ADAMTSL1: variants seen among roughly 807,000 people sequenced by gnomAD.
ADAMTSL1 encodes the protein ADAMTS-like protein 1.
ADAMTSL1 carries 126 observed loss-of-function variants against 201.8 expected under a neutral mutation model. The observed-to-expected ratio is 0.62, with a 90% CI of 0.54 to 0.72. ADAMTSL1 has a LOEUF of 0.72. Ranked by LOEUF, ADAMTSL1 falls within the 30% of genes least tolerant of loss-of-function variation. ADAMTSL1 has a pLI of 0.00. For synonymous variants in ADAMTSL1, 1,121 were observed against 903.4 expected (o/e 1.24, Z -4.32); for missense variants, 2,679 against 2,277.8 (o/e 1.18, Z -3.59).
Position 17,918,650 on chromosome 9 carries a change from A to G in ADAMTSL1, c.87+11728A>G, listed in dbSNP as rs148070363. Among the ~76,000 whole-genome samples the G allele has an allele frequency of 4.4e-4, 67 of 151,554 alleles. No homozygotes were observed. In the East Asian group the frequency reaches 0.011, roughly 25 times the overall value. ...TTTTTTTTTCCCGATCAGTTTTGCT[A>G]TTGTTTGATAGAATGTTCTTTAAAT... On this transcript the variant is annotated intron_variant, in intron 1 of 29. Coordinates refer to the ADAMTSL1 transcript ENST00000680146.
At chr9:18,627,274 A>C (rs955589992) in intron 5 of ADAMTSL1, among the ~76,000 whole-genome samples, 6 of 152,130 alleles carry the variant, frequency 3.9e-5, no homozygotes, top group Admixed American at 3.9e-4. Flanking sequence ...GAGCCACGGC[A>C]CCTGGCCACC....
chr9:18,146,365 G>A (rs1826641419), intron 1 of ADAMTSL1, among the ~76,000 whole-genome samples: 1 of 152,130 alleles, frequency 6.6e-6, no homozygotes. Context: ...TTCAATAGGT[G>A]AATGAAATAC....
intron 9 of ADAMTSL1, among the ~76,000 whole-genome samples, chr9:18,669,972 C>T (rs1829714462): frequency 6.6e-6 from 1 of 152,138 alleles, no homozygotes; most frequent in Non-Finnish European, 1.5e-5. Context: ...ATCCTCCATG[C>T]TTTGCTACTC....
chr9:18,327,889 A>G (rs559281631), intron 2 of ADAMTSL1, among the ~76,000 whole-genome samples: 1 of 152,322 alleles, frequency 6.6e-6, no homozygotes, highest in South Asian at 2.1e-4. Context: ...CATGATATTT[A>G]GCTGTGTAGA....
intron 2 of ADAMTSL1, among the ~76,000 whole-genome samples, chr9:18,348,226 A>G (rs1835811293): frequency 6.6e-6 from 1 of 152,200 alleles, no homozygotes; most frequent in African/African-American, 2.4e-5. Flanking sequence ...TGGATGGTTA[A>G]AACAAAGACC....
At chr9:18,768,494 C>A (rs1820491807) in intron 16 of ADAMTSL1, among the ~76,000 whole-genome samples, 1 of 132,982 alleles carries the variant, frequency 7.5e-6, no homozygotes, top group Admixed American at 8.3e-5. Flanking sequence ...GGAAATAAGA[C>A]CTAGCTTGTA....
chr9:18,777,708 C>A lies in ADAMTSL1; in HGVS notation c.3479C>A (p.Pro1160Gln), dbSNP rs202196078. 5.5e-5 allele frequency: 89 copies of A among 1,613,424 alleles called. No individual in the cohort carries two copies. The African/African-American group carries it at 7.2e-4, about 13-fold the overall frequency. The change falls in exon 19 of 29, where the codon CCA (proline) becomes CAA (glutamine). Residue 1160 changes from proline to glutamine, a missense_variant. By Grantham distance (76) the Pro-to-Gln change is moderately conservative. Coordinates refer to ENST00000380548, the MANE Select transcript of ADAMTSL1 (RefSeq NM_001040272.6). ...GACGCCGGGGGAGGCTCTCGAAGGCCACACCGCAAGCCCACCATCCTGCGC... is the reference window on the plus strand; with the variant it reads ...GACGCCGGGGGAGGCTCTCGAAGGCAACACCGCAAGCCCACCATCCTGCGC... ...TGDAGGGSRRPHRKPTILRKI... is the reference protein window; with the variant it reads ...TGDAGGGSRRQHRKPTILRKI...
At chr9:18,839,254 A>C (rs188696474) in intron 23 of ADAMTSL1, among the ~76,000 whole-genome samples, 2 of 139,268 alleles carry the variant, frequency 1.4e-5, no homozygotes, top group African/African-American at 5.4e-5. Context: ...TCATTGTTCA[A>C]TTCCCACCTA....
intron 2 of ADAMTSL1, among the ~76,000 whole-genome samples, chr9:18,369,857 T>C (rs1836964165): frequency 6.6e-6 from 1 of 152,198 alleles, no homozygotes; most frequent in South Asian, 2.1e-4. Context: ...ACATTTTGCT[T>C]GTCTTATCAT....
intron 1 of ADAMTSL1, among the ~76,000 whole-genome samples, chr9:18,046,632 G>A (rs1464557666): frequency 6.6e-6 from 1 of 152,092 alleles, no homozygotes. Context: ...ATTTGTTTTT[G>A]AATCCCTGTA....
At chr9:18,888,080 A>G in intron 24 of ADAMTSL1, 37 bp downstream of exon 24, 1 of 1,587,704 alleles carries the variant, frequency 6.3e-7, no homozygotes, top group East Asian at 2.2e-5. Flanking sequence ...CTGGACTTGA[A>G]CAAGAAAGCC....
intron 20 of ADAMTSL1, among the ~76,000 whole-genome samples, chr9:18,801,028 T>C (rs764326152): frequency 1.3e-5 from 2 of 152,180 alleles, no homozygotes; most frequent in Non-Finnish European, 1.5e-5. Context: ...AACAAGGATA[T>C]GAGAAGGAAG....
rs558739117 is a variant in ADAMTSL1, at chr9:18,684,396, T to C, written c.1490-320T>C. Reference sequence around the variant, plus strand: ...GCTGCTCTATCTTTTCAAGAGGGAATGGTAAAAAGATACTTCGATGATTCT... The same window carrying C: ...GCTGCTCTATCTTTTCAAGAGGGAACGGTAAAAAGATACTTCGATGATTCT... On this transcript the variant is annotated intron_variant, in intron 12 of 28. Transcript: ENST00000380548. Among the ~76,000 whole-genome samples, 3 of 152,326 alleles carry C rather than the reference T, an allele frequency of 2.0e-5. No homozygotes were observed. The South Asian group carries it at 6.2e-4, about 32-fold the overall frequency.
intron 2 of ADAMTSL1, among the ~76,000 whole-genome samples, chr9:18,523,868 G>A: frequency 7.3e-6 from 1 of 137,476 alleles, no homozygotes; most frequent in African/African-American, 2.7e-5. Flanking sequence ...TTTGAAGTCA[G>A]GTAGCGTGAT....
chr9:18,267,646 T>C (rs1832171576), intron 2 of ADAMTSL1, among the ~76,000 whole-genome samples: 1 of 152,052 alleles, frequency 6.6e-6, no homozygotes, highest in African/African-American at 2.4e-5. Flanking sequence ...AGTGTTCTAA[T>C]TGTAAATAAC....
At chr9:17,987,893 G>T (rs1025757486) in intron 1 of ADAMTSL1, among the ~76,000 whole-genome samples, 1 of 152,034 alleles carries the variant, frequency 6.6e-6, no homozygotes, top group Non-Finnish European at 1.5e-5. Context: ...GATAACCCAG[G>T]ATATATGCAT....
chr9:18,411,880 A>G (rs1431176295), intron 2 of ADAMTSL1, among the ~76,000 whole-genome samples: 1 of 152,156 alleles, frequency 6.6e-6, no homozygotes, highest in Non-Finnish European at 1.5e-5. Context: ...CCTATTTTAT[A>G]CTCATATTTT....
intron 1 of ADAMTSL1, among the ~76,000 whole-genome samples, chr9:18,045,906 A>G (rs1056636827): frequency 1.3e-4 from 20 of 152,130 alleles, no homozygotes; most frequent in Non-Finnish European, 4.4e-5. Flanking sequence ...CCCTGTTCTA[A>G]AGAGACAGAG....
chr9:17,938,665 A>G (rs1026190313), intron 1 of ADAMTSL1, among the ~76,000 whole-genome samples: 1 of 152,172 alleles, frequency 6.6e-6, no homozygotes, highest in Admixed American at 6.5e-5. Context: ...AACAAAAGCT[A>G]GGTATGAGGA....
Sources: gnomAD v4.1 joint callset for allele counts (sites outside exome capture counted in the v4.1 genomes callset) on GRCh38, gnomAD v4.1.1 for gene constraint, MANE v1.5 for transcripts, NCBI Gene and HGNC (gene_info 2026-07-23, HGNC 2026-07-21) for gene names.